The following RBFOX1 variants were observed in gnomAD, a reference collection of about 807,000 sequenced individuals.
RBFOX1 encodes RNA binding fox-1 homolog 1.
RBFOX1 carries 8 observed loss-of-function variants against 57.7 expected under a neutral mutation model. The ratio of observed to expected loss-of-function variants is 0.14; its 90% CI spans 0.08 to 0.25. The LOEUF is 0.25. Ranked by LOEUF, RBFOX1 falls within the 10% of genes least tolerant of loss-of-function variation. The pLI, the probability that RBFOX1 is intolerant of heterozygous loss-of-function variation, is 1.00. For missense variants in RBFOX1, 611 were observed against 548.5 expected, an observed-to-expected ratio of 1.11 and a Z score of -1.14; for synonymous variants, 326 against 222.4, an observed-to-expected ratio of 1.47 and a Z score of -4.15.
intron 4 of RBFOX1, among the ~76,000 whole-genome samples, chr16:7,121,298 C>T (rs917517264): frequency 1.3e-5 from 2 of 151,938 alleles, no homozygotes; most frequent in South Asian, 2.1e-4. Flanking sequence ...TAGAGCATAT[C>T]GGTTGGAAAT....
At chr16:5,879,550 A>C (rs1240656689) in intron 4 of RBFOX1, among the ~76,000 whole-genome samples, 1 of 152,144 alleles carries the variant, frequency 6.6e-6, no homozygotes, top group Non-Finnish European at 1.5e-5. Context: ...GGCTGGTCTC[A>C]AACTCCTGAC....
chr16:7,695,965 G>A (rs993263820), intron 14 of RBFOX1, among the ~76,000 whole-genome samples: 1 of 152,182 alleles, frequency 6.6e-6, no homozygotes, highest in South Asian at 2.1e-4. Context: ...GGGGCTTCGG[G>A]TGGAGATAGT....
intron 4 of RBFOX1, among the ~76,000 whole-genome samples, chr16:7,066,231 G>C (rs891368155): frequency 1.3e-5 from 2 of 152,204 alleles, no homozygotes; most frequent in Admixed American, 1.3e-4. Context: ...GCTAATTGTG[G>C]AGCTGGGAAT....
chr16:7,156,381 A>T (rs559564422), intron 4 of RBFOX1, among the ~76,000 whole-genome samples: 1 of 152,196 alleles, frequency 6.6e-6, no homozygotes, highest in African/African-American at 2.4e-5. Flanking sequence ...ATGCGTGTAC[A>T]TATATGCACA....
intron 4 of RBFOX1, among the ~76,000 whole-genome samples, chr16:7,221,456 T>C (rs982074115): frequency 2.6e-5 from 4 of 152,078 alleles, no homozygotes; most frequent in Admixed American, 2.0e-4. Flanking sequence ...AACCTCTCCC[T>C]CCCAGGTTCA....
At chr16:7,474,146 G>A (rs1333567021) in intron 4 of RBFOX1, among the ~76,000 whole-genome samples, 1 of 152,150 alleles carries the variant, frequency 6.6e-6, no homozygotes, top group South Asian at 2.1e-4. Context: ...AATTAGCCAG[G>A]CATGGTGGCG....
At chr16:6,134,332 G>T (rs1264145474) in intron 1 of RBFOX1, among the ~76,000 whole-genome samples, 1 of 152,174 alleles carries the variant, frequency 6.6e-6, no homozygotes, top group Non-Finnish European at 1.5e-5. Flanking sequence ...ATTCAGGTCT[G>T]CAAGCACAAA....
intron 2 of RBFOX1, among the ~76,000 whole-genome samples, chr16:6,595,068 T>G (rs76986067): frequency 2.6e-5 from 4 of 152,130 alleles, no homozygotes; most frequent in Admixed American, 6.5e-5. Context: ...ATTACAGGCA[T>G]GAGCCACCGC....
intron 1 of RBFOX1, among the ~76,000 whole-genome samples, chr16:6,135,718 A>C (rs2096661670): frequency 6.6e-6 from 1 of 152,058 alleles, no homozygotes; most frequent in Non-Finnish European, 1.5e-5. Context: ...GAGTAGATTT[A>C]AACAACAAAA....
At chr16:7,130,644 A>G (rs2070058320) in intron 4 of RBFOX1, among the ~76,000 whole-genome samples, 1 of 152,190 alleles carries the variant, frequency 6.6e-6, no homozygotes, top group Non-Finnish European at 1.5e-5. Context: ...ATAGCCAATG[A>G]CATCTCCAGT....
At chr16:5,627,418 G>T (rs2048377682) in intron 3 of RBFOX1, among the ~76,000 whole-genome samples, 1 of 150,482 alleles carries the variant, frequency 6.6e-6, no homozygotes. Flanking sequence ...GTGATCTTGG[G>T]GTGTGTGTGT....
intron 1 of RBFOX1, among the ~76,000 whole-genome samples, chr16:6,313,516 T>C (rs1317525222): frequency 1.3e-5 from 2 of 152,122 alleles, no homozygotes; most frequent in Non-Finnish European, 2.9e-5. Flanking sequence ...AGAAAAAAAC[T>C]ACATTCTGGC....
intron 4 of RBFOX1, among the ~76,000 whole-genome samples, chr16:5,932,429 A>G (rs1035532607): frequency 1.3e-5 from 2 of 152,148 alleles, no homozygotes; most frequent in Admixed American, 1.3e-4. Context: ...GCACCTCCAG[A>G]TGAAAATTCA....
chr16:7,598,576 C>A (rs970577993), intron 9 of RBFOX1, among the ~76,000 whole-genome samples: 1 of 152,000 alleles, frequency 6.6e-6, no homozygotes, highest in Admixed American at 6.6e-5. Context: ...CCCTGGTTTC[C>A]TACCTCCCCC....
intron 3 of RBFOX1, among the ~76,000 whole-genome samples, chr16:6,930,968 C>A (rs994647095): frequency 1.3e-5 from 2 of 151,994 alleles, no homozygotes; most frequent in African/African-American, 4.8e-5. Context: ...CCCCCCTACA[C>A]ACATACATAT....
chr16:6,940,932 C>T (rs776607856), intron 3 of RBFOX1, among the ~76,000 whole-genome samples: 3 of 151,124 alleles, frequency 2.0e-5, no homozygotes, highest in Non-Finnish European at 4.4e-5. Context: ...TGGTTTCGAT[C>T]TCCTGACCTC....
chr16:6,817,674 G>A (rs1005465031), intron 3 of RBFOX1, among the ~76,000 whole-genome samples: 1 of 151,746 alleles, frequency 6.6e-6, no homozygotes, highest in Non-Finnish European at 1.5e-5. Context: ...CTGCACTCCA[G>A]CCTGGGCGAC....
At chr16:6,058,296 T>G (rs1293086354) in intron 1 of RBFOX1, among the ~76,000 whole-genome samples, 1 of 151,466 alleles carries the variant, frequency 6.6e-6, no homozygotes, top group Non-Finnish European at 1.5e-5. Context: ...TTCCCTGCCT[T>G]CCTCCCTCCT....
chr16:7,135,894 G>T (rs866154549), intron 4 of RBFOX1, among the ~76,000 whole-genome samples: 4 of 152,136 alleles, frequency 2.6e-5, no homozygotes, highest in South Asian at 2.1e-4. Context: ...GTTCTATTTT[G>T]CATCTGGCAC....
Sources: allele counts gnomAD v4.1 joint callset (sites outside exome capture counted in the v4.1 genomes callset), GRCh38; gene constraint gnomAD v4.1.1; transcripts MANE v1.5; gene names NCBI Gene and HGNC (gene_info 2026-07-23, HGNC 2026-07-21).